LINGO2: variants seen among roughly 807,000 people sequenced by gnomAD.
LINGO2 encodes the protein leucine-rich repeat and immunoglobulin-like domain-containing nogo receptor-interacting protein 2.
A neutral mutation model predicts 30.6 loss-of-function variants in LINGO2; 14 were observed. That is an observed-to-expected ratio of 0.46 (90% CI 0.30 to 0.72). The LOEUF is 0.72. LINGO2 is among the 30% of genes least tolerant of loss of function. The pLI is 0.07. For missense variants in LINGO2, 729 were observed against 751.7 expected, an observed-to-expected ratio of 0.97 and a Z score of 0.35; for synonymous variants, 317 against 288.5, an observed-to-expected ratio of 1.10 and a Z score of -1.00.
At chr9:28,155,411 T>C (rs555983820) in intron 4 of LINGO2, among the ~76,000 whole-genome samples, 1 of 152,352 alleles carries the variant, frequency 6.6e-6, no homozygotes, top group Non-Finnish European at 1.5e-5. Context: ...TAGAAAGTCC[T>C]ATTTCCTTAT....
the LINGO2 span, among the ~76,000 whole-genome samples, chr9:28,703,246 A>G: frequency 1.3e-5 from 2 of 151,812 alleles, no homozygotes; most frequent in Non-Finnish European, 2.9e-5. Context: ...TTTCTAAACT[A>G]TATTTGAAAT....
rs557318668 is a variant in LINGO2 at position 28,565,915 on chromosome 9, C to T, written c.-364-89890G>A. On this transcript the variant is annotated intron_variant, in intron 1 of 5. Coordinates refer to ENST00000379992, the Ensembl canonical transcript of LINGO2. ...GAAAGGCTATATAGCTTTGTCTTCT[C>T]AGACACTCTTGGGGCTTTACACTCA... 8.5e-5 allele frequency among the ~76,000 whole-genome samples: 13 copies of T among 152,200 alleles called. No individual in the cohort carries two copies. In the South Asian group the frequency reaches 2.7e-3, roughly 32 times the overall value.
At chr9:28,639,078 C>A (rs1827435597) in intron 1 of LINGO2, among the ~76,000 whole-genome samples, 1 of 152,174 alleles carries the variant, frequency 6.6e-6, no homozygotes, top group Middle Eastern at 3.4e-3. Context: ...TCATTATGTA[C>A]CCAGTAGCCA....
At chr9:29,209,682 A>G in the LINGO2 span, among the ~76,000 whole-genome samples, 2 of 152,174 alleles carry the variant, frequency 1.3e-5, no homozygotes, top group African/African-American at 4.8e-5. Flanking sequence ...CTTTCAGGAA[A>G]TACGGTATTT....
At chr9:28,042,700 T>C (rs1021666599) in intron 4 of LINGO2, among the ~76,000 whole-genome samples, 1 of 152,212 alleles carries the variant, frequency 6.6e-6, no homozygotes, top group Admixed American at 6.5e-5. Context: ...CCCACTATAA[T>C]CAAGATAATG....
intron 4 of LINGO2, among the ~76,000 whole-genome samples, chr9:28,220,090 T>C (rs1462778028): frequency 1.3e-5 from 2 of 152,148 alleles, no homozygotes; most frequent in South Asian, 2.1e-4. Context: ...GTATAAGGTA[T>C]TATATGTAAT....
chr9:28,270,480 C>T (rs1413228207), intron 4 of LINGO2, among the ~76,000 whole-genome samples: 1 of 151,936 alleles, frequency 6.6e-6, no homozygotes, highest in Non-Finnish European at 1.5e-5. Flanking sequence ...ATGCATATCC[C>T]CAATGCGACC....
At chr9:28,351,535 G>T (rs1160262991) in intron 3 of LINGO2, among the ~76,000 whole-genome samples, 1 of 146,472 alleles carries the variant, frequency 6.8e-6, no homozygotes, top group Admixed American at 6.8e-5. Flanking sequence ...AAGAGTCCAG[G>T]ACCAGATGGA....
the LINGO2 span, among the ~76,000 whole-genome samples, chr9:29,074,591 T>C: frequency 1.3e-5 from 2 of 152,018 alleles, no homozygotes; most frequent in Non-Finnish European, 2.9e-5. Context: ...CAAATGAGGA[T>C]AGCATGTATC....
chr9:28,062,812 T>G (rs577616813), intron 4 of LINGO2, among the ~76,000 whole-genome samples: 40 of 151,750 alleles, frequency 2.6e-4, no homozygotes, highest in Non-Finnish European at 4.7e-4. Context: ...GGTACGTTCA[T>G]AGAGGTGTGC....
At chr9:28,778,053 A>G in the LINGO2 span, among the ~76,000 whole-genome samples, 221 of 152,242 alleles carry the variant, frequency 1.5e-3, 1 homozygote, top group African/African-American at 5.0e-3. Context: ...ATAGTGGCAT[A>G]GAAGCATTCT....
At chr9:28,651,027 A>T (rs747156596) in intron 1 of LINGO2, among the ~76,000 whole-genome samples, 8 of 151,976 alleles carry the variant, frequency 5.3e-5, no homozygotes, top group Non-Finnish European at 1.2e-4. Context: ...TGTCTCCATT[A>T]AAAATACAAA....
At chr9:28,858,517 T>C in the LINGO2 span, among the ~76,000 whole-genome samples, 5 of 152,102 alleles carry the variant, frequency 3.3e-5, no homozygotes, top group Non-Finnish European at 5.9e-5. Flanking sequence ...GCTTTGTTTA[T>C]CTGCTAGTCA....
chr9:29,076,853 T>C, the LINGO2 span, among the ~76,000 whole-genome samples: 15 of 151,908 alleles, frequency 9.9e-5, no homozygotes, highest in Admixed American at 9.9e-4. Context: ...TTAAAATGTG[T>C]TCAGAATAAT....
chr9:28,722,129 T>C, the LINGO2 span, among the ~76,000 whole-genome samples: 1 of 152,080 alleles, frequency 6.6e-6, no homozygotes, highest in African/African-American at 2.4e-5. Context: ...ATTGAGATTA[T>C]GATCTATTTC....
the LINGO2 span, among the ~76,000 whole-genome samples, chr9:29,068,679 A>T: frequency 6.6e-6 from 1 of 151,904 alleles, no homozygotes. Flanking sequence ...AAGATCGCTT[A>T]GTTAATGGAC....
intron 2 of LINGO2, among the ~76,000 whole-genome samples, chr9:28,431,072 A>AGAGAGAGAGAGAGAG (rs1554720257): frequency 4.0e-5 from 3 of 74,576 alleles, no homozygotes; most frequent in Non-Finnish European, 9.0e-5. Context: ...GAGAGAGAGA[A>AGAGAGAGAGAGAGAG]ACTCAAGGCA....
chr9:28,226,498 G>A (rs1295670368), intron 4 of LINGO2, among the ~76,000 whole-genome samples: 4 of 151,128 alleles, frequency 2.6e-5, no homozygotes, highest in African/African-American at 9.8e-5. Flanking sequence ...CTTAAACAGA[G>A]GATTTTTTTT....
At chr9:28,233,061 T>TATATATATATATATATATATA (rs60875467) in intron 4 of LINGO2, among the ~76,000 whole-genome samples, 2 of 118,812 alleles carry the variant, frequency 1.7e-5, no homozygotes, top group South Asian at 2.6e-4. Context: ...TATATATATA[T>TATATATATATATATATATATA]TAGATATATA....
Sources: allele counts gnomAD v4.1 joint callset (sites outside exome capture counted in the v4.1 genomes callset), GRCh38; gene constraint gnomAD v4.1.1; transcripts MANE v1.5; gene names NCBI Gene and HGNC (gene_info 2026-07-23, HGNC 2026-07-21).